NEK7: variants seen among roughly 807,000 people sequenced by gnomAD.
NEK7 encodes the protein NIMA related kinase 7, also known as serine/threonine-protein kinase Nek7.
Under a neutral mutation model 44.6 loss-of-function variants are expected in NEK7, and 18 were observed. The observed-to-expected ratio is 0.40, with a 90% CI of 0.28 to 0.60. The LOEUF (loss-of-function observed/expected upper bound fraction) is 0.60, where lower values mean the gene tolerates loss of function less well. Ranked by LOEUF, NEK7 falls within the 20% of genes least tolerant of loss-of-function variation. The pLI is 0.38. For synonymous variants in NEK7, 130 were observed against 121.1 expected (o/e 1.07, Z -0.48); for missense variants, 256 against 366.5 (o/e 0.70, Z 2.46).
chr1:198,196,025 C>T (rs1026221991), intron 1 of NEK7, among the ~76,000 whole-genome samples: 6 of 151,994 alleles, frequency 3.9e-5, no homozygotes, highest in South Asian at 2.1e-4. Context: ...CATTTTTCTT[C>T]GCAGATTTTG....
intron 9 of NEK7, among the ~76,000 whole-genome samples, chr1:198,304,682 C>CTG (rs1186397877): frequency 6.6e-6 from 1 of 152,144 alleles, no homozygotes; most frequent in Non-Finnish European, 1.5e-5. Context: ...ACAACAATGA[C>CTG]TGTTAACATT....
chr1:198,221,691 AG>A (rs1360278484), intron 1 of NEK7, among the ~76,000 whole-genome samples: 1 of 151,900 alleles, frequency 6.6e-6, no homozygotes, highest in Non-Finnish European at 1.5e-5. Flanking sequence ...TGTAGATTAA[AG>A]CTTCTTATTT....
intron 5 of NEK7, 137 bp downstream of exon 5, chr1:198,264,372 A>C: frequency 1.6e-6 from 1 of 616,938 alleles, no homozygotes; most frequent in Non-Finnish European, 2.8e-6. Context: ...TATGTAACAA[A>C]TAGTAGATGG....
intron 1 of NEK7, among the ~76,000 whole-genome samples, chr1:198,204,302 C>T (rs1343012621): frequency 1.3e-5 from 2 of 152,062 alleles, no homozygotes; most frequent in Non-Finnish European, 1.5e-5. Context: ...GAGAGCAAGT[C>T]ATAACACTTA....
chr1:198,312,505 T>C (rs1405976657), intron 9 of NEK7, among the ~76,000 whole-genome samples: 1 of 152,122 alleles, frequency 6.6e-6, no homozygotes, highest in African/African-American at 2.4e-5. Flanking sequence ...TGCTCTTGCT[T>C]TTCTAGTTCT....
intron 3 of NEK7, among the ~76,000 whole-genome samples, chr1:198,255,828 C>T (rs1033704727): frequency 6.6e-5 from 10 of 152,088 alleles, no homozygotes; most frequent in East Asian, 1.9e-4. Context: ...TAGGGAGCAA[C>T]GCCTTAAACC....
At chr1:198,226,399 G>T (rs1558065413) in intron 1 of NEK7, among the ~76,000 whole-genome samples, 5 of 151,936 alleles carry the variant, frequency 3.3e-5, no homozygotes, top group Admixed American at 1.3e-4. Context: ...ACAAAATTTA[G>T]CTGGGCGTGG....
intron 7 of NEK7, among the ~76,000 whole-genome samples, chr1:198,283,569 A>G (rs1571602912): frequency 6.6e-6 from 1 of 152,020 alleles, no homozygotes; most frequent in Non-Finnish European, 1.5e-5. Context: ...ATTAATTTGT[A>G]TGGAGGTGTG....
At chr1:198,309,991 T>C (rs1295928721) in intron 9 of NEK7, among the ~76,000 whole-genome samples, 2 of 151,798 alleles carry the variant, frequency 1.3e-5, no homozygotes, top group East Asian at 1.9e-4. Context: ...ATGGTATTTC[T>C]AGTTCTAGAT....
chr1:198,234,821 G>C (rs764000784), intron 2 of NEK7, among the ~76,000 whole-genome samples: 5 of 152,178 alleles, frequency 3.3e-5, no homozygotes, highest in Non-Finnish European at 7.3e-5. Context: ...TGTGGCAGGT[G>C]GGGGAAGGGA....
At chr1:198,317,882 T>TGTTTTTTTG (rs57928757) in intron 9 of NEK7, among the ~76,000 whole-genome samples, 1 of 133,894 alleles carries the variant, frequency 7.5e-6, no homozygotes. Context: ...TATTTATTTT[T>TGTTTTTTTG]TTTTTTTTTT....
chr1:198,277,035 AT>A (rs1654040591), intron 5 of NEK7, among the ~76,000 whole-genome samples: 1 of 151,748 alleles, frequency 6.6e-6, no homozygotes, highest in Admixed American at 6.6e-5. Context: ...ACCTATATAT[AT>A]TTTAAAACAG....
Position 198,297,240 on chromosome 1 carries a change from A to G in NEK7, c.798A>G (p.Glu266=), listed in dbSNP as rs767176141. ...PPLPSDHYSE[E]LRQLVNMCIN... is the part of the protein sequence containing the mutation. ...TTCCTTCAGATCACTATTCAGAAGA[A>G]GTAAGTCATTTTCAGCCCACATGTT... The change falls in exon 9 of 10, where the codon GAA becomes GAG. Residue 266 remains glutamate, a splice_region_variant and synonymous_variant. Coordinates refer to ENST00000367385, the MANE Select transcript of NEK7 (RefSeq NM_133494.3). 1 of 1,612,888 alleles carries G rather than the reference A, an allele frequency of 6.2e-7. No individual in the cohort carries two copies. The highest frequency in any genetic ancestry group is 1.1e-5 in the South Asian group (1 of 90,848).
chr1:198,266,280 C>A (rs574782429), intron 5 of NEK7, among the ~76,000 whole-genome samples: 31 of 152,060 alleles, frequency 2.0e-4, no homozygotes, highest in African/African-American at 7.2e-4. Flanking sequence ...TAAACATTGC[C>A]GAGTAAGAGT....
chr1:198,204,611 C>G (rs1392271355), intron 1 of NEK7, among the ~76,000 whole-genome samples: 1 of 148,560 alleles, frequency 6.7e-6, no homozygotes, highest in South Asian at 2.2e-4. Context: ...CCCAGCTACT[C>G]GGGAGGCTGA....
intron 2 of NEK7, among the ~76,000 whole-genome samples, chr1:198,236,650 C>T (rs796434615): frequency 3.9e-5 from 6 of 152,160 alleles, no homozygotes; most frequent in African/African-American, 1.4e-4. Flanking sequence ...AGACTCCTAC[C>T]GTAGTTATCC....
intron 1 of NEK7, among the ~76,000 whole-genome samples, chr1:198,200,972 T>C (rs1665414336): frequency 6.6e-6 from 1 of 152,200 alleles, no homozygotes. Flanking sequence ...TTTGGGAGAT[T>C]ACAGACTTAA....
chr1:198,313,674 T>G (rs1162766270), intron 9 of NEK7, among the ~76,000 whole-genome samples: 1 of 135,978 alleles, frequency 7.4e-6, no homozygotes, highest in Admixed American at 7.7e-5. Flanking sequence ...GTCTGTAAAG[T>G]ATTTTATTTC....
intron 8 of NEK7, among the ~76,000 whole-genome samples, chr1:198,294,477 A>G (rs1464739877): frequency 6.6e-6 from 1 of 152,128 alleles, no homozygotes; most frequent in Non-Finnish European, 1.5e-5. Flanking sequence ...AAAGCAACAT[A>G]TTCTCTTCAA....
Sources: allele counts gnomAD v4.1 joint callset (sites outside exome capture counted in the v4.1 genomes callset), GRCh38; gene constraint gnomAD v4.1.1; transcripts MANE v1.5; gene names NCBI Gene and HGNC (gene_info 2026-07-23, HGNC 2026-07-21).